The following XKR6 variants were observed in gnomAD, a reference collection of about 807,000 sequenced individuals.
XKR6 encodes XK related 6, also known as XK-related protein 6.
In XKR6, 22 loss-of-function variants were observed where a neutral mutation model predicts 56.7. That is an observed-to-expected ratio of 0.39 (90% CI 0.28 to 0.55). The LOEUF (loss-of-function observed/expected upper bound fraction) is 0.55. XKR6 is among the 20% of genes least tolerant of loss of function. XKR6 has a pLI of 0.66. For missense variants in XKR6, 852 were observed against 889.0 expected (o/e 0.96, Z 0.53); for synonymous variants, 524 against 387.8 (o/e 1.35, Z -4.13).
At chr8:11,114,765 G>C (rs904647788) in intron 1 of XKR6, among the ~76,000 whole-genome samples, 3 of 140,132 alleles carry the variant, frequency 2.1e-5, no homozygotes, top group Non-Finnish European at 3.1e-5. Context: ...GTGTGTGTGT[G>C]TGTGTGTGTA....
intron 1 of XKR6, among the ~76,000 whole-genome samples, chr8:11,046,548 C>G (rs1023945692): frequency 6.6e-6 from 1 of 152,084 alleles, no homozygotes; most frequent in East Asian, 1.9e-4. Flanking sequence ...AAGTGTTCAC[C>G]GGTGGATGAA....
chr8:10,970,182 T>C (rs1040459229), intron 1 of XKR6, among the ~76,000 whole-genome samples: 3 of 152,194 alleles, frequency 2.0e-5, no homozygotes, highest in African/African-American at 7.2e-5. Flanking sequence ...CCTTTGCATG[T>C]GTTCTCTGGA....
chr8:11,186,404 G>C (rs1563203774), intron 1 of XKR6, among the ~76,000 whole-genome samples: 2 of 152,160 alleles, frequency 1.3e-5, no homozygotes, highest in Admixed American at 6.5e-5. Flanking sequence ...GAGACAGAGA[G>C]AGAGTCTTGC....
chr8:11,195,673 G>C (rs1432240325), intron 1 of XKR6, among the ~76,000 whole-genome samples: 2 of 148,552 alleles, frequency 1.3e-5, no homozygotes, highest in Non-Finnish European at 3.0e-5. Context: ...TTTTGAGATG[G>C]AGTCTCGCTC....
At chr8:10,925,406 C>T (rs959252362) in intron 1 of XKR6, among the ~76,000 whole-genome samples, 1 of 152,184 alleles carries the variant, frequency 6.6e-6, no homozygotes. Context: ...TGCACAGGCT[C>T]CTGTCGCCGG....
chr8:10,933,786 T>C (rs1262091254), intron 1 of XKR6, among the ~76,000 whole-genome samples: 2 of 149,390 alleles, frequency 1.3e-5, no homozygotes, highest in African/African-American at 5.0e-5. Flanking sequence ...TACCATGCTG[T>C]TTTGGTGACT....
At chr8:10,976,236 G>A (rs923610834) in intron 1 of XKR6, among the ~76,000 whole-genome samples, 3 of 152,044 alleles carry the variant, frequency 2.0e-5, no homozygotes, top group African/African-American at 7.2e-5. Context: ...GGTTTAGTGG[G>A]GTCATTAGCA....
At chr8:10,996,069 T>C (rs937860132) in intron 1 of XKR6, among the ~76,000 whole-genome samples, 2 of 151,086 alleles carry the variant, frequency 1.3e-5, no homozygotes, top group African/African-American at 2.5e-5. Context: ...TACAGATTCA[T>C]ATAGATATAA....
intron 1 of XKR6, among the ~76,000 whole-genome samples, chr8:11,133,648 G>T (rs1800229236): frequency 6.6e-6 from 1 of 152,138 alleles, no homozygotes; most frequent in African/African-American, 2.4e-5. Context: ...GCTGGGAAAA[G>T]CATGCTGGCA....
chr8:10,973,717 A>G (rs1802472258), intron 1 of XKR6, among the ~76,000 whole-genome samples: 1 of 152,144 alleles, frequency 6.6e-6, no homozygotes, highest in South Asian at 2.1e-4. Context: ...AGTAGCTGGG[A>G]CTACAGGCGC....
intron 1 of XKR6, among the ~76,000 whole-genome samples, chr8:11,132,401 C>G (rs181509772): frequency 6.6e-6 from 1 of 151,932 alleles, no homozygotes; most frequent in African/African-American, 2.4e-5. Flanking sequence ...CTCTGTCACC[C>G]AGGCTGGAGT....
intron 1 of XKR6, among the ~76,000 whole-genome samples, chr8:11,151,639 C>T (rs1052506565): frequency 1.3e-5 from 2 of 152,078 alleles, no homozygotes; most frequent in Admixed American, 1.3e-4. Flanking sequence ...CAGATGAACC[C>T]AGAGTCTCAG....
At chr8:11,060,180 A>C (rs1216528480) in intron 1 of XKR6, among the ~76,000 whole-genome samples, 1 of 152,198 alleles carries the variant, frequency 6.6e-6, no homozygotes, top group Non-Finnish European at 1.5e-5. Flanking sequence ...GAGAACCCCA[A>C]GTTCTGGGCT....
At chr8:11,055,968 G>T (rs1222172152) in intron 1 of XKR6, among the ~76,000 whole-genome samples, 1 of 152,190 alleles carries the variant, frequency 6.6e-6, no homozygotes, top group African/African-American at 2.4e-5. Flanking sequence ...CAGGAAGCCT[G>T]TCTGAAGGCC....
chr8:11,074,712 G>C lies in XKR6; in HGVS notation c.764+125864C>G, dbSNP rs532035293. ...GGGAGAGAGGCAGAGAGACGGCGAA[G>C]TGGAATGTGCTACCAGTGAGGTGGG... is the stretch of plus-strand genomic sequence containing the variant. On this transcript the variant is annotated intron_variant, in intron 1 of 2. Coordinates refer to ENST00000416569, the MANE Select transcript of XKR6 (RefSeq NM_173683.4). Among the ~76,000 whole-genome samples the C allele has an allele frequency of 8.5e-5, 13 of 152,330 alleles. 1 individual carries two copies. The highest frequency in any genetic ancestry group is 2.9e-4 in the African/African-American group (12 of 41,578).
chr8:11,013,682 G>A (rs982607515), intron 1 of XKR6, among the ~76,000 whole-genome samples: 3 of 152,204 alleles, frequency 2.0e-5, no homozygotes, highest in East Asian at 3.8e-4. Context: ...TAGAATTAGC[G>A]GGGATGGGAG....
intron 1 of XKR6, among the ~76,000 whole-genome samples, chr8:11,170,618 A>G (rs949170420): frequency 6.6e-6 from 1 of 152,254 alleles, no homozygotes; most frequent in Non-Finnish European, 1.5e-5. Flanking sequence ...TAAAATTAGC[A>G]CATTTGTGGT....
intron 1 of XKR6, among the ~76,000 whole-genome samples, chr8:11,168,183 C>T (rs1802184141): frequency 6.6e-6 from 1 of 152,132 alleles, no homozygotes; most frequent in African/African-American, 2.4e-5. Context: ...ATAGCCCATT[C>T]AAAGGAACGA....
At chr8:10,981,617 A>T (rs1331004202) in intron 1 of XKR6, among the ~76,000 whole-genome samples, 1 of 152,232 alleles carries the variant, frequency 6.6e-6, no homozygotes. Context: ...AAGCCTCCCA[A>T]ATTTAGCACT....
Sources: allele counts gnomAD v4.1 joint callset (sites outside exome capture counted in the v4.1 genomes callset), GRCh38; gene constraint gnomAD v4.1.1; transcripts MANE v1.5; gene names NCBI Gene and HGNC (gene_info 2026-07-23, HGNC 2026-07-21).